NTAQ1: variants seen among roughly 807,000 people sequenced by gnomAD.
NTAQ1 encodes the protein protein N-terminal glutamine amidohydrolase.
Under a neutral mutation model 28.2 loss-of-function variants are expected in NTAQ1, and 21 were observed. The ratio of observed to expected loss-of-function variants is 0.74; its 90% CI spans 0.53 to 1.07. The LOEUF is 1.07. Ranked by LOEUF, NTAQ1 falls within the 50% of genes least tolerant of loss-of-function variation. The probability of loss-of-function intolerance (pLI) is 0.00; values close to 1 mark genes in which losing one functional copy is unlikely to be tolerated. For missense variants in NTAQ1, 264 were observed against 256.6 expected (o/e 1.03, Z -0.20); for synonymous variants, 105 against 90.0 (o/e 1.17, Z -0.94).
At chr8:123,444,058 T>C (rs1231771649), downstream of NTAQ1, among the ~76,000 whole-genome samples, 1 of 151,806 alleles carries the variant, frequency 6.6e-6, no homozygotes, top group Non-Finnish European at 1.5e-5. Flanking sequence ...ACTTTTTCTT[T>C]TTTTTTTTTG....
At chr8:123,419,081 GTTTTTTTTTTTTTTT>G (rs762479894) in intron 1 of NTAQ1, among the ~76,000 whole-genome samples, 73,528 of 119,992 alleles carry the variant, frequency 0.61, 23,973 homozygotes, top group East Asian at 0.86. Flanking sequence ...AGCTTTGGGG[GTTTTTTTTTTTTTTT>G]TTTTTTTTTT....
intron 1 of NTAQ1, among the ~76,000 whole-genome samples, chr8:123,422,508 C>T (rs1488114346): frequency 6.6e-6 from 1 of 151,762 alleles, no homozygotes; most frequent in African/African-American, 2.4e-5. Context: ...AACTCTTGGG[C>T]TCAAGTGATC....
chr8:123,420,663 A>G (rs10111271), intron 1 of NTAQ1, among the ~76,000 whole-genome samples: 97,962 of 148,294 alleles, frequency 0.66, 32,963 homozygotes, highest in East Asian at 0.93. Flanking sequence ...CATGATCATG[A>G]CTCACTGCAA....
intron 6 of NTAQ1, among the ~76,000 whole-genome samples, chr8:123,458,084 A>G (rs1312858170): frequency 7.5e-6 from 1 of 133,106 alleles, no homozygotes; most frequent in Non-Finnish European, 1.6e-5. Flanking sequence ...CAAATAAATC[A>G]CACTTCCCCT....
At position 123,465,573 on chromosome 8, in the gene NTAQ1, T is replaced by TAA. The variant is rs1292832379; in HGVS notation, c.373-1506_373-1505insAA. ...ATTGCTTTTTTCACTCAGCATAACATCTTTTTTTTTTTTTTTTTTTTTTTT... is the reference window on the plus strand; with the variant it reads ...ATTGCTTTTTTCACTCAGCATAACATAACTTTTTTTTTTTTTTTTTTTTTTTT... On this transcript the variant is annotated intron_variant, in intron 6 of 6. Transcript: ENST00000650311. Among the ~76,000 whole-genome samples the TAA allele has an allele frequency of 3.0e-5, 3 of 101,476 alleles. No individual in the cohort carries two copies. The South Asian group carries it at 1.3e-3, about 43-fold the overall frequency. The allele number at this position is 101,476 out of a possible 152,430, so 66.6% of individuals were successfully genotyped here.
chr8:123,435,389 A>C, intron 3 of NTAQ1: 2 of 825,468 alleles, frequency 2.4e-6, no homozygotes, highest in Non-Finnish European at 1.5e-6. Flanking sequence ...CCTTTCTTTT[A>C]ATTGCAAAAG....
chr8:123,465,795 TG>T (rs1473786259), intron 6 of NTAQ1, among the ~76,000 whole-genome samples: 2 of 152,000 alleles, frequency 1.3e-5, no homozygotes, highest in African/African-American at 4.8e-5. Context: ...TTGCCCAGGC[TG>T]GTCTCGGAAC....
chr8:123,435,447 C>A, intron 3 of NTAQ1: 5 of 985,350 alleles, frequency 5.1e-6, no homozygotes, highest in Non-Finnish European at 6.0e-6. Context: ...TCCAGGCTGA[C>A]CCCCAGAAGC....
intron 1 of NTAQ1, among the ~76,000 whole-genome samples, chr8:123,425,487 A>G (rs1357353833): frequency 6.7e-6 from 1 of 148,376 alleles, no homozygotes; most frequent in South Asian, 2.1e-4. Flanking sequence ...TTTTTTTTTA[A>G]CCACAACCAT....
At chr8:123,444,504 A>C (rs1412055914), downstream of NTAQ1, among the ~76,000 whole-genome samples, 1 of 151,508 alleles carries the variant, frequency 6.6e-6, no homozygotes, top group Non-Finnish European at 1.5e-5. Flanking sequence ...CTGGCTGACT[A>C]AAGCAAAAAA....
downstream of NTAQ1, among the ~76,000 whole-genome samples, chr8:123,442,912 C>T (rs892182972): frequency 2.0e-5 from 3 of 152,014 alleles, no homozygotes; most frequent in African/African-American, 7.2e-5. Context: ...AGGTGATCTG[C>T]CCACTTTCGC....
chr8:123,416,730 C>G (rs961792487), upstream of NTAQ1: 46 of 966,682 alleles, frequency 4.8e-5, no homozygotes, highest in Admixed American at 1.9e-4. Flanking sequence ...CCGGCCCTCT[C>G]CCCCCGGGCT....
At chr8:123,461,697 A>G (rs1172367408) in intron 6 of NTAQ1, among the ~76,000 whole-genome samples, 1 of 152,226 alleles carries the variant, frequency 6.6e-6, no homozygotes, top group Non-Finnish European at 1.5e-5. Flanking sequence ...AACTTTGTAT[A>G]TTCAAGAACA....
Position 123,435,548 on chromosome 8 carries a change from T to C in NTAQ1, c.235-905T>C, listed in dbSNP as rs953046842. 27 of 984,612 alleles carry C rather than the reference T, an allele frequency of 2.7e-5. No individual in the cohort carries two copies. In the African/African-American group the frequency reaches 4.5e-4, roughly 17 times the overall value. The allele number at this position is 984,612 out of a possible 1,614,324, so 61.0% of individuals were successfully genotyped here. A position where few individuals can be genotyped will look rare whatever the true frequency, so the allele number is the denominator to read the frequency against. On this transcript the variant is annotated intron_variant, in intron 3 of 5. Coordinates refer to ENST00000287387, the MANE Select transcript of NTAQ1 (RefSeq NM_018024.3). ...ATGTACTTCTGAATGCGCACGTATG[T>C]CTTTATATACAGATAGCTTTTAACA... is the stretch of plus-strand genomic sequence containing the variant.
chr8:123,436,350 T>C, intron 3 of NTAQ1, 103 bp from the exon 4 acceptor site: 1 of 1,109,270 alleles, frequency 9.0e-7, no homozygotes, highest in Non-Finnish European at 1.3e-6. Context: ...TAAGGAGGGC[T>C]GTAGCAGTCC....
At chr8:123,426,021 C>A (rs1001754638) in intron 1 of NTAQ1, among the ~76,000 whole-genome samples, 6 of 152,160 alleles carry the variant, frequency 3.9e-5, no homozygotes, top group African/African-American at 1.4e-4. Context: ...GAGACTCCGT[C>A]CCCGCTCCCC....
chr8:123,438,818 A>G (rs1269197728), intron 5 of NTAQ1, among the ~76,000 whole-genome samples: 5 of 152,214 alleles, frequency 3.3e-5, no homozygotes, highest in Non-Finnish European at 7.3e-5. Context: ...AATTTAAAAA[A>G]TTATATTGGA....
chr8:123,450,150 C>T (rs1815447674), downstream of NTAQ1, among the ~76,000 whole-genome samples: 1 of 149,942 alleles, frequency 6.7e-6, no homozygotes, highest in Non-Finnish European at 1.5e-5. Context: ...TTATTTAGGG[C>T]TTAGGAGATG....
chr8:123,435,060 A>G (rs1814620873), intron 3 of NTAQ1, among the ~76,000 whole-genome samples: 1 of 152,220 alleles, frequency 6.6e-6, no homozygotes, highest in African/African-American at 2.4e-5. Context: ...AGTGCCTTTT[A>G]AACTCTAAGA....
Sources: gnomAD v4.1 joint callset for allele counts (sites outside exome capture counted in the v4.1 genomes callset) on GRCh38, gnomAD v4.1.1 for gene constraint, MANE v1.5 for transcripts, NCBI Gene and HGNC (gene_info 2026-07-23, HGNC 2026-07-21) for gene names.